The following PPP2R5D variants were observed in gnomAD, a reference collection of about 807,000 sequenced individuals.
The protein encoded by PPP2R5D is protein phosphatase 2 regulatory subunit B'delta.
In PPP2R5D, 12 loss-of-function variants were observed where a neutral mutation model predicts 79.1. That is an observed-to-expected ratio of 0.15 (90% CI 0.10 to 0.25). The LOEUF (loss-of-function observed/expected upper bound fraction) is 0.25. Ranked by LOEUF, PPP2R5D falls within the 10% of genes least tolerant of loss-of-function variation. The pLI is 1.00. For missense variants in PPP2R5D, 419 were observed against 760.2 expected, an observed-to-expected ratio of 0.55 and a Z score of 5.28; for synonymous variants, 277 against 286.6, an observed-to-expected ratio of 0.97 and a Z score of 0.34.
chr6:43,012,096 C>G lies in PPP2R5D; in HGVS notation c.*810C>G, dbSNP rs550438207. 1.6e-4 allele frequency: 101 copies of G among 629,116 alleles called. No homozygotes were observed. Among genetic ancestry groups the G allele is most frequent in the Non-Finnish European group, 1.9e-4 (97 of 501,044 alleles). The allele number at this position is 629,116 out of a possible 1,614,324, so 39.0% of individuals were successfully genotyped here. A position where few individuals can be genotyped will look rare whatever the true frequency, so the allele number is the denominator to read the frequency against. On this transcript the variant is annotated 3_prime_UTR_variant, in exon 16 of 16. Transcript: ENST00000485511. ...GGGAGCGGTGCCCCAAGCATGGCTC[C>G]TGCCAACACCTATTTATTTCCTTGT... is the stretch of plus-strand genomic sequence containing the variant.
intron 1 of PPP2R5D, 127 bp from the exon 2 acceptor site, chr6:42,989,484 C>A (rs1771094919): frequency 1.3e-6 from 1 of 789,778 alleles, no homozygotes. Flanking sequence ...CAGCTCCGCA[C>A]AAGGTAGATT....
intron 2 of PPP2R5D, among the ~76,000 whole-genome samples, chr6:43,003,455 A>G (rs1476127236): frequency 6.6e-6 from 1 of 152,130 alleles, no homozygotes; most frequent in African/African-American, 2.4e-5. Context: ...ATAAAAAGAG[A>G]TAATTTTAAA....
intron 2 of PPP2R5D, among the ~76,000 whole-genome samples, chr6:42,999,529 T>C (rs886276027): frequency 1.3e-5 from 2 of 152,142 alleles, no homozygotes; most frequent in African/African-American, 2.4e-5. Flanking sequence ...ACCTTAGATA[T>C]CAGCTCATTG....
chr6:42,984,612 T>C lies in PPP2R5D; in HGVS notation c.-66T>C. 3 of 1,545,006 alleles carry C rather than the reference T, an allele frequency of 1.9e-6. No individual in the cohort carries two copies. Among genetic ancestry groups the C allele is most frequent in the Non-Finnish European group, 2.6e-6 (3 of 1,146,220 alleles). Reference sequence around the variant, plus strand: ...GCGAAGAGACGCCGAGCGGGCCGAGTGCGGCCGAGCAAAGCCGGAGCCGGA... The same window carrying C: ...GCGAAGAGACGCCGAGCGGGCCGAGCGCGGCCGAGCAAAGCCGGAGCCGGA... On this transcript the variant is annotated 5_prime_UTR_variant, in exon 1 of 16. Coordinates refer to ENST00000485511, the MANE Select transcript of PPP2R5D (RefSeq NM_006245.4).
chr6:43,011,652 G>T lies in PPP2R5D; in HGVS notation c.*366G>T. 4.0e-6 allele frequency: 1 copy of T among 250,960 alleles called. No individual in the cohort carries two copies. The highest frequency in any genetic ancestry group is 1.0e-4 in the East Asian group (1 of 9,860). The allele number at this position is 250,960 out of a possible 1,614,324, so 15.5% of individuals were successfully genotyped here. A position where few individuals can be genotyped will look rare whatever the true frequency, so the allele number is the denominator to read the frequency against. ...CCCTTCATCCTCATTTGAACGCCAG[G>T]TATCTCCCCTCCTCTCTCTCCCCTG... On this transcript the variant is annotated 3_prime_UTR_variant, in exon 16 of 16. Transcript: ENST00000485511.
intron 2 of PPP2R5D, among the ~76,000 whole-genome samples, chr6:43,003,004 G>A (rs1761842820): frequency 6.6e-6 from 1 of 152,168 alleles, no homozygotes. Context: ...TCCCAACAGG[G>A]GGCTGCCTGG....
intron 2 of PPP2R5D, among the ~76,000 whole-genome samples, chr6:42,998,040 T>TATATATATATATATAC (rs1561843859): frequency 4.1e-4 from 12 of 29,294 alleles, no homozygotes; most frequent in African/African-American, 9.7e-4. Flanking sequence ...TATATATATA[T>TATATATATATATATAC]ATATATATAT....
rs1762095701 is a variant in PPP2R5D, at chr6:43,006,624, C to T, written c.267C>T (p.Ser89=). 6.2e-7 allele frequency: 1 copy of T among 1,614,182 alleles called. No homozygotes were observed. The highest frequency in any genetic ancestry group is 8.5e-7 in the Non-Finnish European group (1 of 1,180,034). ...TCAAGAAGGAGCGACGGCAAAGCTCCTCCCGCTTCAACCTCAGCAAGAATC... is the reference window on the plus strand; with the variant it reads ...TCAAGAAGGAGCGACGGCAAAGCTCTTCCCGCTTCAACCTCAGCAAGAATC... ...QIVKKERRQS[S]SRFNLSKNRE... The change falls in exon 3 of 16, where the codon TCC becomes TCT. Residue 89 remains serine, a synonymous_variant. Coordinates refer to ENST00000485511, the MANE Select transcript of PPP2R5D (RefSeq NM_006245.4). The surrounding 1 kb of genome is among the most constrained non-coding windows in gnomAD (Gnocchi z 4.7).
At position 43,009,009 on chromosome 6, in the gene PPP2R5D, T is replaced by C. The variant is rs746365896; in HGVS notation, c.1081-48T>C. The C allele has an allele frequency of 1.9e-6, 3 of 1,592,042 alleles. No individual in the cohort carries two copies. Among genetic ancestry groups the C allele is most frequent in the Non-Finnish European group, 2.6e-6 (3 of 1,166,394 alleles). On this transcript the variant is annotated intron_variant, in intron 10 of 15. Coordinates refer to ENST00000485511, the MANE Select transcript of PPP2R5D (RefSeq NM_006245.4). This position sits in a 1 kb window ranked among gnomAD's most constrained non-coding sequence, Gnocchi z 5.6. ...CAGGTAGGAAAACTTCCTGGTGACCTAGGCAGGTGCAAAGAATTTTCATCC... is the reference window on the plus strand; with the variant it reads ...CAGGTAGGAAAACTTCCTGGTGACCCAGGCAGGTGCAAAGAATTTTCATCC...
In PPP2R5D at chr6:43,008,944, G is replaced by A. The variant is rs2150280997; in HGVS notation, c.1081-113G>A. 1 of 1,357,496 alleles carries A rather than the reference G, an allele frequency of 7.4e-7. No homozygotes were observed. The highest frequency in any genetic ancestry group is 1.3e-5 in the South Asian group (1 of 75,076). 84.1% of individuals were successfully genotyped at this position (1,357,496 alleles called of 1,614,324 possible). On this transcript the variant is annotated intron_variant, in intron 10 of 15. Transcript: ENST00000485511. This position sits in a 1 kb window ranked among gnomAD's most constrained non-coding sequence, Gnocchi z 4.2. ...AAGGCAAAGAAACGGGTAGCTGGCTGAGATCACCCAAACTGTGCCCACCAG... is the reference window on the plus strand; with the variant it reads ...AAGGCAAAGAAACGGGTAGCTGGCTAAGATCACCCAAACTGTGCCCACCAG...
chr6:43,009,189 C>G lies in PPP2R5D; in HGVS notation c.1213C>G (p.Arg405Gly). 6.2e-7 allele frequency: 1 copy of G among 1,614,132 alleles called. No individual in the cohort carries two copies. The highest frequency in any genetic ancestry group is 8.5e-7 in the Non-Finnish European group (1 of 1,180,014). ...EFSKVMEPLF[R>G]QLAKCVSSPH... is the part of the protein sequence containing the mutation. Reference sequence around the variant, plus strand: ...CAGCAAAGTGATGGAACCCCTCTTCCGCCAGCTGGCCAAGTGTGTCTCTAG... The same window carrying G: ...CAGCAAAGTGATGGAACCCCTCTTCGGCCAGCTGGCCAAGTGTGTCTCTAG... The change falls in exon 11 of 16, where the codon CGC becomes GGC. Residue 405 changes from arginine to glycine, a missense_variant. Transcript: ENST00000485511. The surrounding 1 kb of genome is among the most constrained non-coding windows in gnomAD (Gnocchi z 5.6).
Position 42,986,067 on chromosome 6 carries a change from G to A in PPP2R5D, c.27+1363G>A, listed in dbSNP as rs533984022. Among the ~76,000 whole-genome samples, 224 of 152,220 alleles carry A rather than the reference G, an allele frequency of 1.5e-3. 1 individual carries two copies. The highest frequency in any genetic ancestry group is 2.6e-3 in the Non-Finnish European group (175 of 67,998). On this transcript the variant is annotated intron_variant, in intron 1 of 15. Coordinates refer to ENST00000485511, the MANE Select transcript of PPP2R5D (RefSeq NM_006245.4). ...GCTGGGATTACAGGTGTGAGCCACC[G>A]TGCCTGGCCCACAGGCCAGTTCTTA...
rs765067563 is a variant in PPP2R5D at position 43,007,071 on chromosome 6, T to C, written c.483T>C (p.Asp161=). The change falls in exon 4 of 16, where the codon GAT becomes GAC. Residue 161 remains aspartate (D), a synonymous_variant. Transcript: ENST00000485511. The surrounding 1 kb of genome is among the most constrained non-coding windows in gnomAD (Gnocchi z 4.5). ...TGGAGTACATCACCCATAGCCGTGATGTTGTCACTGAGGCCATTTACCCTG... is the reference window on the plus strand; with the variant it reads ...TGGAGTACATCACCCATAGCCGTGACGTTGTCACTGAGGCCATTTACCCTG... ...EMVEYITHSR[D]VVTEAIYPEA... 2 of 1,614,066 alleles carry C rather than the reference T, an allele frequency of 1.2e-6. No individual in the cohort carries two copies.
At chr6:42,997,392 A>C (rs1264239193) in intron 2 of PPP2R5D, among the ~76,000 whole-genome samples, 1 of 152,082 alleles carries the variant, frequency 6.6e-6, no homozygotes, top group African/African-American at 2.4e-5. Context: ...GGGTTTCTCC[A>C]TGCTGGTCAG....
chr6:43,010,725 C>T lies in PPP2R5D; in HGVS notation c.1543C>T (p.Leu515Phe). Residue 515 changes from leucine (L) to phenylalanine (F), a missense_variant, in exon 14 of 16, where the codon CTT (leucine) becomes TTT (phenylalanine). Around this residue, in one of 5 missense-constraint regions of PPP2R5D, gnomAD observed 196 missense variants for 424.5 expected, o/e 0.46. Coordinates refer to ENST00000485511, the MANE Select transcript of PPP2R5D (RefSeq NM_006245.4). This position sits in a 1 kb window ranked among gnomAD's most constrained non-coding sequence, Gnocchi z 4.7. The part of the protein sequence containing the change: ...MWQKIEELAR[L>F]NPQYPMFRAP... Reference sequence around the variant, plus strand: ...GCAAAAAATCGAGGAGCTGGCCCGGCTTAATCCCCAGGTGAGGTTTTCCTG... The same window carrying T: ...GCAAAAAATCGAGGAGCTGGCCCGGTTTAATCCCCAGGTGAGGTTTTCCTG... 1 of 1,613,980 alleles carries T rather than the reference C, an allele frequency of 6.2e-7. No homozygotes were observed. Among genetic ancestry groups the T allele is most frequent in the East Asian group, 2.2e-5 (1 of 44,876 alleles).
intron 1 of PPP2R5D, among the ~76,000 whole-genome samples, chr6:42,985,930 A>C (rs1310891474): frequency 6.6e-6 from 1 of 152,080 alleles, no homozygotes; most frequent in Non-Finnish European, 1.5e-5. Flanking sequence ...GGCATGCGCC[A>C]CCACATCCGG....
rs1561843989 is a variant in PPP2R5D, at chr6:42,998,051, ATATATAT to A, written c.105+8365_105+8371del. 1.8e-3 allele frequency among the ~76,000 whole-genome samples: 34 copies of A among 19,064 alleles called. 3 individuals carry two copies. Among genetic ancestry groups the A allele is most frequent in the African/African-American group, 6.2e-3 (33 of 5,324 alleles). The allele number at this position is 19,064 out of a possible 152,430, so 12.5% of individuals were successfully genotyped here. On this transcript the variant is annotated intron_variant, in intron 2 of 15. Transcript: ENST00000485511. Reference sequence around the variant, plus strand: ...TATATATATATATATATATATATATATATATATTTTTTTTTTTTTTTTTTTTTTTTTT... The same window carrying A: ...TATATATATATATATATATATATATATTTTTTTTTTTTTTTTTTTTTTTTT...
intron 2 of PPP2R5D, among the ~76,000 whole-genome samples, chr6:42,995,329 T>C (rs900494313): frequency 5.3e-5 from 8 of 151,606 alleles, no homozygotes; most frequent in African/African-American, 1.5e-4. Flanking sequence ...ATAGGTTTCT[T>C]ATTATGTTGC....
Position 42,992,912 on chromosome 6 carries a change from G to A in PPP2R5D, c.105+3224G>A, listed in dbSNP as rs184169061. On this transcript the variant is annotated intron_variant, in intron 2 of 15. Coordinates refer to ENST00000485511, the MANE Select transcript of PPP2R5D (RefSeq NM_006245.4). ...GCGGTGGCTCACACCTGTAATCCCA[G>A]CACTTTGGGAGGCTGAGGCAGGTGG... Among the ~76,000 whole-genome samples the A allele has an allele frequency of 2.2e-3, 330 of 152,318 alleles. 1 individual carries two copies. The highest frequency in any genetic ancestry group is 0.014 in the Middle Eastern group (4 of 294).
Sources: gnomAD v4.1 joint callset for allele counts (sites outside exome capture counted in the v4.1 genomes callset) on GRCh38, gnomAD v4.1.1 for gene constraint, gnomAD v4.1.1 regional missense constraint, Gnocchi (gnomAD v3.1) non-coding constraint, MANE v1.5 for transcripts, NCBI Gene and HGNC (gene_info 2026-07-23, HGNC 2026-07-21) for gene names.